CCDC83: variants seen among roughly 807,000 people sequenced by gnomAD.
CCDC83 encodes the protein coiled-coil domain-containing protein 83.
A neutral mutation model predicts 50.1 loss-of-function variants in CCDC83; 54 were observed. That is an observed-to-expected ratio of 1.08 (90% CI 0.87 to 1.35). The LOEUF is 1.35. Among genes scored for constraint, CCDC83 ranks in the 40% most tolerant of loss-of-function variants. CCDC83 has a pLI of 0.00. For missense variants in CCDC83, 518 were observed against 473.9 expected, an observed-to-expected ratio of 1.09 and a Z score of -0.86; for synonymous variants, 161 against 153.3, an observed-to-expected ratio of 1.05 and a Z score of -0.37.
chr11:85,866,310 T>C (rs777254637), intron 2 of CCDC83, among the ~76,000 whole-genome samples: 3 of 152,196 alleles, frequency 2.0e-5, no homozygotes, highest in Non-Finnish European at 4.4e-5. Flanking sequence ...TGCTGGGTAC[T>C]GGAATGTAGC....
chr11:85,871,489 A>C (rs1477190569), intron 2 of CCDC83, among the ~76,000 whole-genome samples: 2 of 152,158 alleles, frequency 1.3e-5, no homozygotes, highest in African/African-American at 4.8e-5. Flanking sequence ...GAAAGAGCCT[A>C]GTTTTTCTCT....
chr11:85,897,951 G>T (rs993200847), intron 6 of CCDC83, among the ~76,000 whole-genome samples: 1 of 152,116 alleles, frequency 6.6e-6, no homozygotes, highest in Non-Finnish European at 1.5e-5. Context: ...GAGATCAGGA[G>T]TTCGAGACCA....
intron 3 of CCDC83, among the ~76,000 whole-genome samples, chr11:85,877,479 T>TA (rs2093275654): frequency 6.6e-6 from 1 of 152,136 alleles, no homozygotes; most frequent in Non-Finnish European, 1.5e-5. Flanking sequence ...TCTAAAATGG[T>TA]AAAAATTAAA....
Position 85,915,441 on chromosome 11 carries a change from G to C in CCDC83, c.817G>C (p.Ala273Pro), listed in dbSNP as rs1176940489. 6.2e-7 allele frequency: 1 copy of C among 1,613,186 alleles called. No homozygotes were observed. The change falls in exon 9 of 11, where the codon GCT becomes CCT. Residue 273 changes from alanine (A) to proline (P), a missense_variant. By Grantham distance (27) the Ala-to-Pro change is conservative. Coordinates refer to ENST00000342404, the MANE Select transcript of CCDC83 (RefSeq NM_001286159.2). ...TAGGCGACTATATCTTACCCAAGCT[G>C]CTGGACTAGAAGTGCCACCTGAAGA... is the stretch of plus-strand genomic sequence containing the variant. ...IPRRLYLTQA[A>P]GLEVPPEEMS...
At chr11:85,887,965 G>A (rs747611532) in intron 5 of CCDC83, among the ~76,000 whole-genome samples, 53 of 152,018 alleles carry the variant, frequency 3.5e-4, no homozygotes, top group Non-Finnish European at 6.5e-4. Flanking sequence ...ACCATACCTA[G>A]CTAATTTTAT....
intron 8 of CCDC83, among the ~76,000 whole-genome samples, chr11:85,913,809 TAAGTGGGCCAA>T (rs2093465669): frequency 1.3e-5 from 2 of 152,224 alleles, no homozygotes; most frequent in Non-Finnish European, 2.9e-5. Flanking sequence ...GGGCTGAGGC[TAAGTGGGCCAA>T]CACCTACAAA....
chr11:85,887,766 C>T (rs1479498280), intron 5 of CCDC83, among the ~76,000 whole-genome samples: 1 of 150,618 alleles, frequency 6.6e-6, no homozygotes, highest in African/African-American at 2.4e-5. Context: ...CTTAATACTG[C>T]CTCATTCTTC....
chr11:85,898,444 A>C (rs1295190616), intron 6 of CCDC83, among the ~76,000 whole-genome samples: 10 of 152,196 alleles, frequency 6.6e-5, no homozygotes, highest in African/African-American at 2.4e-4. Context: ...TTCTTTGTCT[A>C]AAATGCCTTT....
intron 3 of CCDC83, among the ~76,000 whole-genome samples, chr11:85,874,041 A>T (rs1360996511): frequency 6.6e-6 from 1 of 152,158 alleles, no homozygotes; most frequent in Admixed American, 6.5e-5. Flanking sequence ...TTGCATCCTG[A>T]CTGTACAGCT....
intron 7 of CCDC83, 84 bp downstream of exon 7, chr11:85,899,099 T>C: frequency 9.8e-7 from 1 of 1,015,890 alleles, no homozygotes; most frequent in South Asian, 1.4e-5. Context: ...ACTGAAGTCA[T>C]GGGAAAAGCA....
chr11:85,885,933 A>G (rs2093324625), intron 4 of CCDC83, among the ~76,000 whole-genome samples: 1 of 152,238 alleles, frequency 6.6e-6, no homozygotes, highest in Non-Finnish European at 1.5e-5. Flanking sequence ...CTTCCTAGGC[A>G]TATGGGTTGT....
chr11:85,916,110 TA>T lies in CCDC83; in HGVS notation c.958del (p.Ser320ValfsTer12). ...SSDESTILHL[S>X]HENSIEDLQY... ...CAGATGAGAGCACTATCTTACATCT[TA>T]GTCATGAAAATAGCATCGAAGATCT... On this transcript the variant is annotated frameshift_variant, in exon 10 of 11. Coordinates refer to ENST00000342404, the MANE Select transcript of CCDC83 (RefSeq NM_001286159.2). LOFTEE classifies it high-confidence loss of function. 6.2e-7 allele frequency: 1 copy of T among 1,613,244 alleles called. No individual in the cohort carries two copies. Among genetic ancestry groups the T allele is most frequent in the Non-Finnish European group, 8.5e-7 (1 of 1,179,330 alleles).
chr11:85,860,297 G>A (rs547826455), intron 1 of CCDC83, among the ~76,000 whole-genome samples: 58 of 112,844 alleles, frequency 5.1e-4, no homozygotes, highest in South Asian at 4.8e-3. Flanking sequence ...GTGAGACTCC[G>A]TCTCAAAAAA....
At chr11:85,855,909 C>G (rs1193557691) in intron 1 of CCDC83, among the ~76,000 whole-genome samples, 1 of 152,260 alleles carries the variant, frequency 6.6e-6, no homozygotes, top group East Asian at 1.9e-4. Flanking sequence ...TCAATACCAG[C>G]GCAATGCTCT....
At chr11:85,887,408 T>G (rs1214357999) in intron 5 of CCDC83, among the ~76,000 whole-genome samples, 1 of 152,136 alleles carries the variant, frequency 6.6e-6, no homozygotes, top group Non-Finnish European at 1.5e-5. Flanking sequence ...TGTGGGTGGT[T>G]CCCATGTCCC....
intron 7 of CCDC83, among the ~76,000 whole-genome samples, chr11:85,900,065 C>G (rs1255065665): frequency 6.6e-6 from 1 of 152,048 alleles, no homozygotes; most frequent in African/African-American, 2.4e-5. Flanking sequence ...ATTGCTTGGG[C>G]CAGACGTTAC....
intron 2 of CCDC83, among the ~76,000 whole-genome samples, chr11:85,872,210 C>A (rs372339729): frequency 1.3e-5 from 2 of 152,134 alleles, no homozygotes; most frequent in African/African-American, 4.8e-5. Context: ...GCTGGCCGGG[C>A]ACGGTGGCTC....
chr11:85,874,373 T>C (rs1482817606), intron 3 of CCDC83, among the ~76,000 whole-genome samples: 1 of 152,182 alleles, frequency 6.6e-6, no homozygotes, highest in Non-Finnish European at 1.5e-5. Context: ...CAGGGACTTG[T>C]AGATCAGGAC....
At chr11:85,862,531 C>G (rs1167232179) in intron 1 of CCDC83, among the ~76,000 whole-genome samples, 2 of 152,178 alleles carry the variant, frequency 1.3e-5, no homozygotes, top group Non-Finnish European at 2.9e-5. Flanking sequence ...CTCATCTATA[C>G]TTTATAATTG....
Sources: allele counts gnomAD v4.1 joint callset (sites outside exome capture counted in the v4.1 genomes callset), GRCh38; gene constraint gnomAD v4.1.1; transcripts MANE v1.5; gene names NCBI Gene and HGNC (gene_info 2026-07-23, HGNC 2026-07-21).